The following STX6 variants were observed in gnomAD, a reference collection of about 807,000 sequenced individuals.
STX6 encodes syntaxin 6.
STX6 carries 23 observed loss-of-function variants against 38.0 expected under a neutral mutation model. The observed-to-expected ratio is 0.60, with a 90% CI of 0.43 to 0.86. STX6 has a LOEUF of 0.86. STX6 is among the 40% of genes least tolerant of loss of function. The probability of loss-of-function intolerance (pLI) is 0.00; values close to 1 mark genes in which losing one functional copy is unlikely to be tolerated. For missense variants in STX6, 274 were observed against 312.9 expected (o/e 0.88, Z 0.94); for synonymous variants, 123 against 107.5 (o/e 1.14, Z -0.89).
At chr1:180,987,006 AATCACACCTG>A (rs1199357116) in intron 6 of STX6, among the ~76,000 whole-genome samples, 11 of 152,010 alleles carry the variant, frequency 7.2e-5, no homozygotes, top group Non-Finnish European at 1.6e-4. Context: ...ACATCATCTA[AATCACACCTG>A]ATCACACCAT....
chr1:181,012,756 C>G (rs1282436181), intron 1 of STX6, among the ~76,000 whole-genome samples: 1 of 146,754 alleles, frequency 6.8e-6, no homozygotes, highest in African/African-American at 2.6e-5. Context: ...CTCACCACAA[C>G]CTCCGCCTCC....
chr1:181,015,460 G>T (rs949056338), intron 1 of STX6, among the ~76,000 whole-genome samples: 1 of 151,906 alleles, frequency 6.6e-6, no homozygotes, highest in Non-Finnish European at 1.5e-5. Flanking sequence ...TCCTTACCTT[G>T]CACAACCTCT....
intron 3 of STX6, among the ~76,000 whole-genome samples, chr1:180,996,970 C>T (rs1001548508): frequency 6.6e-6 from 1 of 152,112 alleles, no homozygotes; most frequent in African/African-American, 2.4e-5. Flanking sequence ...TTTGCAATTT[C>T]CACTAATAAA....
intron 6 of STX6, 112 bp from the exon 7 acceptor site, chr1:180,984,883 T>G: frequency 4.0e-6 from 2 of 503,114 alleles, no homozygotes; most frequent in Non-Finnish European, 7.3e-6. Flanking sequence ...TAGGCAACAC[T>G]GGGTTTCAGG....
intron 3 of STX6, among the ~76,000 whole-genome samples, chr1:181,001,464 A>G (rs986894728): frequency 5.3e-5 from 8 of 152,230 alleles, no homozygotes; most frequent in African/African-American, 1.9e-4. Context: ...ATTATTCTAA[A>G]TAACTTAGAA....
At chr1:181,009,120 G>T (rs1656320785) in intron 1 of STX6, among the ~76,000 whole-genome samples, 1 of 151,956 alleles carries the variant, frequency 6.6e-6, no homozygotes, top group South Asian at 2.1e-4. Context: ...TCTGATTAAT[G>T]ACATATCCAG....
At chr1:180,985,567 C>T (rs147160828) in intron 6 of STX6, among the ~76,000 whole-genome samples, 16 of 152,352 alleles carry the variant, frequency 1.1e-4, no homozygotes, top group East Asian at 3.9e-4. Context: ...CATGCACACG[C>T]GCATTTCCCC....
chr1:181,014,260 G>T (rs570449310), intron 1 of STX6, among the ~76,000 whole-genome samples: 1 of 152,050 alleles, frequency 6.6e-6, no homozygotes, highest in Non-Finnish European at 1.5e-5. Flanking sequence ...CGGGTGTGGT[G>T]GCATGCACCT....
chr1:180,994,762 T>C (rs1655852229), intron 3 of STX6, among the ~76,000 whole-genome samples: 1 of 152,154 alleles, frequency 6.6e-6, no homozygotes, highest in Non-Finnish European at 1.5e-5. Flanking sequence ...AATAGATCAG[T>C]AGGGTGACTA....
intron 3 of STX6, among the ~76,000 whole-genome samples, chr1:180,996,990 A>G (rs1655934343): frequency 6.6e-6 from 1 of 152,230 alleles, no homozygotes; most frequent in African/African-American, 2.4e-5. Flanking sequence ...ACAATAACCA[A>G]AATATCTACT....
intron 7 of STX6, among the ~76,000 whole-genome samples, chr1:180,984,114 GA>G (rs1407787004): frequency 7.2e-6 from 1 of 139,320 alleles, no homozygotes; most frequent in African/African-American, 2.7e-5. Context: ...ACTCTACTGG[GA>G]AAAAAACCAA....
chr1:180,983,979 G>T (rs1655487259), intron 7 of STX6, among the ~76,000 whole-genome samples: 1 of 145,540 alleles, frequency 6.9e-6, no homozygotes, highest in South Asian at 2.1e-4. Flanking sequence ...CAGGAGAATG[G>T]CGTGAACCTG....
At chr1:181,015,078 G>C (rs992775300) in intron 1 of STX6, among the ~76,000 whole-genome samples, 1 of 152,104 alleles carries the variant, frequency 6.6e-6, no homozygotes, top group African/African-American at 2.4e-5. Context: ...TGCTGTTCTA[G>C]TTTTCTACCA....
rs1407453553 is a variant in STX6 at position 180,973,530 on chromosome 1, T to C, written c.*3040A>G. ...AGAAGGAGTGGAAGTTGCCAAGTTG[T>C]TGGCTACCAGACCCATCAGTCTGTT... On this transcript the variant is annotated 3_prime_UTR_variant, in exon 8 of 8. Coordinates refer to ENST00000258301, the MANE Select transcript of STX6 (RefSeq NM_005819.6). The C allele has an allele frequency of 6.6e-6, 1 of 152,650 alleles. No homozygotes were observed. The highest frequency in any genetic ancestry group is 1.5e-5 in the Non-Finnish European group (1 of 68,040). The allele number at this position is 152,650 out of a possible 1,614,324, so 9.5% of individuals were successfully genotyped here.
chr1:180,998,762 G>A (rs936870323), intron 3 of STX6, among the ~76,000 whole-genome samples: 9 of 152,160 alleles, frequency 5.9e-5, no homozygotes, highest in Non-Finnish European at 1.2e-4. Context: ...ATTGGAATTC[G>A]GGATCTTAAA....
intron 3 of STX6, among the ~76,000 whole-genome samples, chr1:180,999,905 T>C (rs1023838168): frequency 6.6e-6 from 1 of 152,218 alleles, no homozygotes; most frequent in Non-Finnish European, 1.5e-5. Flanking sequence ...ATCGAGCTCT[T>C]CCACCCAGAA....
intron 2 of STX6, among the ~76,000 whole-genome samples, chr1:181,003,035 CT>C (rs1417705983): frequency 1.3e-5 from 2 of 152,212 alleles, no homozygotes; most frequent in Non-Finnish European, 2.9e-5. Context: ...TCCTGATCAC[CT>C]TTACTAAGAC....
At chr1:180,998,474 C>T (rs1316318548) in intron 3 of STX6, among the ~76,000 whole-genome samples, 4 of 152,110 alleles carry the variant, frequency 2.6e-5, no homozygotes, top group Non-Finnish European at 5.9e-5. Context: ...CCTCTGTCTC[C>T]GGTTCAAACA....
intron 1 of STX6, among the ~76,000 whole-genome samples, chr1:181,016,425 G>A (rs1656556875): frequency 6.6e-6 from 1 of 151,982 alleles, no homozygotes; most frequent in Non-Finnish European, 1.5e-5. Flanking sequence ...TATCTGCATA[G>A]TGTTCTCCAA....
Sources: gnomAD v4.1 joint callset for allele counts (sites outside exome capture counted in the v4.1 genomes callset) on GRCh38, gnomAD v4.1.1 for gene constraint, MANE v1.5 for transcripts, NCBI Gene and HGNC (gene_info 2026-07-23, HGNC 2026-07-21) for gene names.